Variants in NSUN2 observed in about 807,000 individuals in gnomAD.
The protein encoded by NSUN2 is NOP2/Sun RNA methyltransferase 2.
A neutral mutation model predicts 92.7 loss-of-function variants in NSUN2; 63 were observed. The observed-to-expected ratio is 0.68, with a 90% CI of 0.56 to 0.84. The LOEUF (loss-of-function observed/expected upper bound fraction) is 0.84, where lower values mean the gene tolerates loss of function less well. NSUN2 is among the 40% of genes least tolerant of loss of function. The pLI is 0.00. For synonymous variants in NSUN2, 356 were observed against 348.3 expected (o/e 1.02, Z -0.25); for missense variants, 989 against 964.9 (o/e 1.02, Z -0.33).
rs981345613 is a variant in NSUN2, at chr5:6,625,573, T to C, written c.456A>G (p.Glu152=). Residue 152 remains glutamate, a synonymous_variant, in exon 4 of 19, where the codon GAA becomes GAG. Transcript: ENST00000264670. The part of the protein sequence containing the change: ...LEKFHQFLVS[E]TESGNISRQE... Reference sequence around the variant, plus strand: ...AAAGAAATCAACTTACAGATTCTGTTTCACTAACTAGAAACTGATGAAACT... The same window carrying C: ...AAAGAAATCAACTTACAGATTCTGTCTCACTAACTAGAAACTGATGAAACT... The C allele has an allele frequency of 1.2e-6, 2 of 1,612,192 alleles. No homozygotes were observed. Among genetic ancestry groups the C allele is most frequent in the African/African-American group, 1.3e-5 (1 of 74,904 alleles).
intron 3 of NSUN2, among the ~76,000 whole-genome samples, chr5:6,628,392 C>T (rs1024979886): frequency 1.3e-5 from 2 of 152,082 alleles, no homozygotes; most frequent in African/African-American, 4.8e-5. Context: ...TAATAAGGTG[C>T]ACTCTGAACA....
Position 6,609,926 on chromosome 5 carries a change from AATATAT to A in NSUN2, c.1227-10_1227-5del, listed in dbSNP as rs759187844. The A allele has an allele frequency of 3.8e-6, 6 of 1,561,664 alleles. No homozygotes were observed. Among genetic ancestry groups the A allele is most frequent in the African/African-American group, 1.4e-5 (1 of 73,462 alleles). ...ATGATGGGGTAATATCCTAAGGCTA[AATATAT>A]ATATATAATTCACACCTCTGAACTA... On this transcript the variant is annotated splice_polypyrimidine_tract_variant and splice_region_variant and intron_variant, in intron 11 of 18. Transcript: ENST00000264670.
chr5:6,619,810 A>G lies in NSUN2; in HGVS notation c.815+296T>C, dbSNP rs2288444. Among the ~76,000 whole-genome samples the G allele has an allele frequency of 0.35, 52,945 of 152,112 alleles. 9,457 individuals are homozygous for G. Among genetic ancestry groups the G allele is most frequent in the Middle Eastern group, 0.44 (130 of 294 alleles). On this transcript the variant is annotated intron_variant, in intron 7 of 18. Transcript: ENST00000264670. ...ATAACATCCTAAAACACACCACAATAAGAGTCTACGATTCTATTTTCCTCT... is the reference window on the plus strand; with the variant it reads ...ATAACATCCTAAAACACACCACAATGAGAGTCTACGATTCTATTTTCCTCT...
At chr5:6,614,756 G>A (rs1047144782) in intron 9 of NSUN2, among the ~76,000 whole-genome samples, 2 of 152,130 alleles carry the variant, frequency 1.3e-5, no homozygotes, top group African/African-American at 2.4e-5. Context: ...TTCTCTGAGC[G>A]GGGACAATTT....
Position 6,611,711 on chromosome 5 carries a change from C to A in NSUN2, c.1095+14G>T. 6.2e-7 allele frequency: 1 copy of A among 1,612,704 alleles called. No individual in the cohort carries two copies. Among genetic ancestry groups the A allele is most frequent in the African/African-American group, 1.3e-5 (1 of 74,996 alleles). On this transcript the variant is annotated intron_variant, in intron 10 of 18. Coordinates refer to ENST00000264670, the MANE Select transcript of NSUN2 (RefSeq NM_017755.6). The stretch of plus-strand genomic sequence containing the variant: ...ACCTACTCTTTAGAATGAAAGTTCT[C>A]GAGGAAAGGTTACCTTCCACTGTGT...
intron 3 of NSUN2, among the ~76,000 whole-genome samples, chr5:6,629,596 A>G (rs1241628245): frequency 2.6e-5 from 4 of 152,226 alleles, no homozygotes; most frequent in Non-Finnish European, 1.5e-5. Context: ...CAGCACATAC[A>G]TGCATCACTG....
rs1277551670 is a variant in NSUN2, at chr5:6,614,131, A to G, written c.1022-2333T>C. ...AAAAAAAAAAAAAAAAACCCACAAC[A>G]CACACATATAGACAGACATAAAGCC... On this transcript the variant is annotated intron_variant, in intron 9 of 18. Transcript: ENST00000264670. Among the ~76,000 whole-genome samples, 3 of 16,438 alleles carry G rather than the reference A, an allele frequency of 1.8e-4. 1 individual carries two copies. The highest frequency in any genetic ancestry group is 1.6e-3 in the South Asian group (1 of 624). 10.8% of individuals were successfully genotyped at this position (16,438 alleles called of 152,430 possible). A position where few individuals can be genotyped will look rare whatever the true frequency, so the allele number is the denominator to read the frequency against.
At chr5:6,628,427 A>T (rs192162632) in intron 3 of NSUN2, among the ~76,000 whole-genome samples, 1 of 152,368 alleles carries the variant, frequency 6.6e-6, no homozygotes, top group African/African-American at 2.4e-5. Flanking sequence ...CAATGCTTCT[A>T]TAAGAATGCT....
At chr5:6,616,083 T>C (rs1737196881) in intron 9 of NSUN2, among the ~76,000 whole-genome samples, 1 of 152,178 alleles carries the variant, frequency 6.6e-6, no homozygotes, top group African/African-American at 2.4e-5. Context: ...AAAAAAAGCA[T>C]GGTGGGGTCC....
At chr5:6,606,949 A>G (rs772908933) in intron 13 of NSUN2, 37 bp from the exon 14 acceptor site, 13 of 1,241,116 alleles carry the variant, frequency 1.0e-5, no homozygotes, top group Non-Finnish European at 1.5e-5. Flanking sequence ...ATCAATCTGT[A>G]ATGTGTGGTA....
rs1248017091 is a variant in NSUN2 at position 6,632,769 on chromosome 5, A to G, written c.97-13T>C. On this transcript the variant is annotated splice_polypyrimidine_tract_variant and intron_variant, in intron 1 of 18. Coordinates refer to ENST00000264670, the MANE Select transcript of NSUN2 (RefSeq NM_017755.6). Reference sequence around the variant, plus strand: ...CTCCTTCCCAGCCCTGAGGAAGGAAAGAGACGTCTACCCCGAGGCCCAAGG... The same window carrying G: ...CTCCTTCCCAGCCCTGAGGAAGGAAGGAGACGTCTACCCCGAGGCCCAAGG... 2 of 1,611,850 alleles carry G rather than the reference A, an allele frequency of 1.2e-6. No individual in the cohort carries two copies. The highest frequency in any genetic ancestry group is 1.7e-6 in the Non-Finnish European group (2 of 1,178,888).
At chr5:6,602,911 T>G (rs770740161) in intron 17 of NSUN2, among the ~76,000 whole-genome samples, 1 of 152,228 alleles carries the variant, frequency 6.6e-6, no homozygotes, top group Non-Finnish European at 1.5e-5. Context: ...AGTGCAGGAT[T>G]AAAAGAAAAC....
At chr5:6,624,150 T>C (rs1329371167) in intron 4 of NSUN2, among the ~76,000 whole-genome samples, 1 of 152,220 alleles carries the variant, frequency 6.6e-6, no homozygotes, top group Non-Finnish European at 1.5e-5. Flanking sequence ...CTGGCCAGCA[T>C]GAGTCTGTGG....
chr5:6,622,665 T>C (rs1301411951), intron 5 of NSUN2, among the ~76,000 whole-genome samples: 1 of 151,918 alleles, frequency 6.6e-6, no homozygotes, highest in African/African-American at 2.4e-5. Flanking sequence ...CTGACCAACA[T>C]GGAGAAACCC....
rs561764577 is a variant in NSUN2 at position 6,599,704 on chromosome 5, A to G, written c.*222T>C. ...CCAGCTTGGCCAAAGAAACAAAATAAAACAAGTGATTTCTAACACGCTAAA... is the reference window on the plus strand; with the variant it reads ...CCAGCTTGGCCAAAGAAACAAAATAGAACAAGTGATTTCTAACACGCTAAA... On this transcript the variant is annotated 3_prime_UTR_variant, in exon 19 of 19. Transcript: ENST00000264670. 10 of 513,606 alleles carry G rather than the reference A, an allele frequency of 1.9e-5. No individual in the cohort carries two copies. The South Asian group carries it at 3.1e-4, about 16-fold the overall frequency. 31.8% of individuals were successfully genotyped at this position (513,606 alleles called of 1,614,324 possible). A position where few individuals can be genotyped will look rare whatever the true frequency, so the allele number is the denominator to read the frequency against.
chr5:6,607,498 T>C (rs1309474367), intron 12 of NSUN2, 114 bp from the exon 13 acceptor site: 14 of 894,788 alleles, frequency 1.6e-5, no homozygotes, highest in Non-Finnish European at 2.4e-5. Context: ...TCTACAGCAT[T>C]ATATGTAGAG....
intron 18 of NSUN2, among the ~76,000 whole-genome samples, chr5:6,601,200 C>T (rs1736541861): frequency 6.6e-6 from 1 of 152,052 alleles, no homozygotes; most frequent in South Asian, 2.1e-4. Context: ...GTTGACCTGT[C>T]ACCTGTGTAT....
At chr5:6,622,148 T>G in intron 5 of NSUN2, 48 bp from the exon 6 acceptor site, 2 of 1,425,948 alleles carry the variant, frequency 1.4e-6, no homozygotes, top group Non-Finnish European at 2.0e-6. Context: ...AAACCAAATA[T>G]TCTACATTTA....
chr5:6,607,061 C>A, intron 13 of NSUN2, 139 bp downstream of exon 13: 1 of 999,752 alleles, frequency 1.0e-6, no homozygotes, highest in Non-Finnish European at 1.5e-6. Context: ...CAGAGTCCAG[C>A]CCTCACACTG....
Sources: gnomAD v4.1 joint callset for allele counts (sites outside exome capture counted in the v4.1 genomes callset) on GRCh38, gnomAD v4.1.1 for gene constraint, MANE v1.5 for transcripts, NCBI Gene and HGNC (gene_info 2026-07-23, HGNC 2026-07-21) for gene names.